RAB37: variants seen among roughly 807,000 people sequenced by gnomAD.
RAB37 encodes RAB37, member RAS oncogene family, also known as ras-related protein Rab-37.
In RAB37, 29 loss-of-function variants were observed where a neutral mutation model predicts 33.1. The ratio of observed to expected loss-of-function variants is 0.88; its 90% confidence interval spans 0.65 to 1.20. RAB37 has a LOEUF of 1.20. RAB37 is among the 50% of genes most tolerant of loss of function. The pLI is 0.00. For missense variants in RAB37, 299 were observed against 301.1 expected, an observed-to-expected ratio of 0.99 and a Z score of 0.05; for synonymous variants, 128 against 119.5, an observed-to-expected ratio of 1.07 and a Z score of -0.47.
chr17:74,678,678 CACAG>C (rs2031891968), intron 1 of RAB37, among the ~76,000 whole-genome samples: 1 of 145,766 alleles, frequency 6.9e-6, no homozygotes, highest in Non-Finnish European at 1.5e-5. Flanking sequence ...CACACAGACA[CACAG>C]ACACACACAC....
At chr17:74,692,976 T>A (rs953816633) in intron 1 of RAB37, among the ~76,000 whole-genome samples, 1 of 151,852 alleles carries the variant, frequency 6.6e-6, no homozygotes, top group Admixed American at 6.6e-5. Context: ...TGAGACAAAG[T>A]CCCCACTTAA....
At chr17:74,675,677 CTAAGT>C (rs1162411073) in intron 1 of RAB37, among the ~76,000 whole-genome samples, 3 of 152,274 alleles carry the variant, frequency 2.0e-5, no homozygotes, top group South Asian at 2.1e-4. Flanking sequence ...TTCTGACTTC[CTAAGT>C]TGAGTATCTT....
rs758112805 is a variant in RAB37, at chr17:74,696,207, C to T, written c.72+24549C>T. The T allele has an allele frequency of 5.4e-5, 87 of 1,606,642 alleles. No homozygotes were observed. In the East Asian group the frequency reaches 1.7e-3, roughly 32 times the overall value. On this transcript the variant is annotated intron_variant, in intron 1 of 7. Coordinates refer to the RAB37 transcript ENST00000340415. ...GGGGCTATCTTACCTGCTCTGGGGA[C>T]ATCCCGGCTGCTAAAAGACAAACAA...
chr17:74,732,605 GTGTC>G (rs2034400789), upstream of RAB37, among the ~76,000 whole-genome samples: 1 of 152,030 alleles, frequency 6.6e-6, no homozygotes, highest in South Asian at 2.1e-4. Flanking sequence ...TGAGGTGTGT[GTGTC>G]TGGGGTGTGA....
Position 74,744,369 on chromosome 17 carries a change from A to G in RAB37, c.428A>G (p.Asn143Ser), listed in dbSNP as rs112606240. The G allele has an allele frequency of 6.2e-7, 1 of 1,614,122 alleles. No individual in the cohort carries two copies. Among genetic ancestry groups the G allele is most frequent in the Non-Finnish European group, 8.5e-7 (1 of 1,179,974 alleles). The change falls in exon 6 of 9, where the codon AAC (asparagine) becomes AGC (serine). Residue 143 changes from asparagine to serine, a missense_variant. Asn to Ser is a conservative substitution (Grantham distance 46). Coordinates refer to ENST00000392613, the MANE Select transcript of RAB37 (RefSeq NM_001006638.3). This position sits in a 1 kb window ranked among gnomAD's most constrained non-coding sequence, Gnocchi z 4.2. ...QRDVVIMLLG[N>S]KADMSSERVI... ...GACGTGGTGATCATGCTGCTAGGCAACAAGGTGAGTGGCTCCGGGGCAGGG... is the reference window on the plus strand; with the variant it reads ...GACGTGGTGATCATGCTGCTAGGCAGCAAGGTGAGTGGCTCCGGGGCAGGG...
chr17:74,739,993 C>A (rs2034572311), intron 1 of RAB37, among the ~76,000 whole-genome samples: 1 of 151,680 alleles, frequency 6.6e-6, no homozygotes. Flanking sequence ...CCCGTCTCTA[C>A]TAAAAATAAA....
Position 74,728,541 on chromosome 17 carries a change from T to A in RAB37, c.73-715T>A, listed in dbSNP as rs140873871. On this transcript the variant is annotated intron_variant, in intron 1 of 7. Transcript: ENST00000340415. ...GTGTGTTTCTCTGTGTGTGCATGTG[T>A]TTGTGTGTGTGCCTATGTTTCTGCA... Among the ~76,000 whole-genome samples the A allele has an allele frequency of 1.2e-3, 186 of 152,102 alleles. 4 individuals are homozygous for A. The East Asian group carries it at 0.034, about 28-fold the overall frequency.
chr17:74,722,749 A>C (rs1283735095), intron 1 of RAB37, among the ~76,000 whole-genome samples: 1 of 152,212 alleles, frequency 6.6e-6, no homozygotes, highest in African/African-American at 2.4e-5. Flanking sequence ...ATATGTCTCG[A>C]AAATATCTTC....
At chr17:74,740,708 C>A in intron 1 of RAB37, 60 bp from the exon 2 acceptor site, 1 of 1,177,272 alleles carries the variant, frequency 8.5e-7, no homozygotes. Flanking sequence ...GTGTCTCTCT[C>A]CTGGAATCCC....
Position 74,689,557 on chromosome 17 carries a change from T to C in RAB37, c.72+17899T>C, listed in dbSNP as rs117521144. 4.4e-4 allele frequency among the ~76,000 whole-genome samples: 67 copies of C among 152,320 alleles called. No homozygotes were observed. In the East Asian group the frequency reaches 9.6e-3, roughly 22 times the overall value. On this transcript the variant is annotated intron_variant, in intron 1 of 7. Transcript: ENST00000340415. ...TGACCAATTACCAATTCCTGTGAAA[T>C]TGAATAAGAATTTACCTACTTGGTT...
intron 1 of RAB37, chr17:74,712,822 A>G (rs2143973529): frequency 6.2e-7 from 1 of 1,613,844 alleles, no homozygotes; most frequent in East Asian, 2.2e-5. Context: ...AGGCCCGCTC[A>G]CCTGAGAGCC....
At chr17:74,741,087 A>G (rs1598326333) in intron 2 of RAB37, among the ~76,000 whole-genome samples, 1 of 152,090 alleles carries the variant, frequency 6.6e-6, no homozygotes, top group East Asian at 2.0e-4. Flanking sequence ...TATAGGATGC[A>G]AAAAAATGAG....
intron 1 of RAB37, among the ~76,000 whole-genome samples, chr17:74,711,152 C>T (rs1224026416): frequency 2.0e-5 from 3 of 152,114 alleles, no homozygotes; most frequent in African/African-American, 7.2e-5. Context: ...AGGGTAAGCA[C>T]ACTTGCTGCT....
rs185208238 is a variant in RAB37, at chr17:74,702,221, G to A, written c.73-27035G>A. Among the ~76,000 whole-genome samples, 504 of 152,138 alleles carry A rather than the reference G, an allele frequency of 3.3e-3. 1 individual carries two copies. The highest frequency in any genetic ancestry group is 0.011 in the African/African-American group (475 of 41,502). ...TCAAGAGGGCCAAGGAGAGTGAAAG[G>A]AAGAAATTAAAGGGGACGTTCCTCT... On this transcript the variant is annotated intron_variant, in intron 1 of 7. Coordinates refer to the RAB37 transcript ENST00000340415.
intron 1 of RAB37, among the ~76,000 whole-genome samples, chr17:74,702,492 G>C (rs1213251766): frequency 1.3e-5 from 2 of 152,238 alleles, no homozygotes; most frequent in Non-Finnish European, 2.9e-5. Context: ...TTTGTGAGCT[G>C]TCAGTTGCTC....
chr17:74,727,369 G>A, intron 1 of RAB37, among the ~76,000 whole-genome samples: 1 of 152,226 alleles, frequency 6.6e-6, no homozygotes, highest in Non-Finnish European at 1.5e-5. Context: ...GGAGGCCAGG[G>A]GAGCCTTCAG....
chr17:74,718,432 C>A (rs1472834018), intron 1 of RAB37, among the ~76,000 whole-genome samples: 1 of 151,928 alleles, frequency 6.6e-6, no homozygotes, highest in African/African-American at 2.4e-5. Context: ...AAAAAAAGGG[C>A]TCTTTGATTT....
intron 1 of RAB37, among the ~76,000 whole-genome samples, chr17:74,696,027 C>G (rs904403651): frequency 6.6e-6 from 1 of 152,162 alleles, no homozygotes; most frequent in Non-Finnish European, 1.5e-5. Context: ...GCCCTTGTCC[C>G]CCTGGCTGTT....
upstream of RAB37, among the ~76,000 whole-genome samples, chr17:74,732,542 G>A (rs1408577463): frequency 2.8e-5 from 4 of 145,390 alleles, no homozygotes; most frequent in African/African-American, 1.0e-4. Flanking sequence ...GTGGTGAGGT[G>A]TGTGGTGTGA....
Sources: gnomAD v4.1 joint callset for allele counts (sites outside exome capture counted in the v4.1 genomes callset) on GRCh38, gnomAD v4.1.1 for gene constraint, Gnocchi (gnomAD v3.1) non-coding constraint, MANE v1.5 for transcripts, NCBI Gene and HGNC (gene_info 2026-07-23, HGNC 2026-07-21) for gene names.